Variants in CAMSAP3 observed in about 807,000 individuals in gnomAD.
CAMSAP3 encodes calmodulin regulated spectrin associated protein family member 3.
CAMSAP3 carries 34 observed loss-of-function variants against 112.5 expected under a neutral mutation model. The ratio of observed to expected loss-of-function variants is 0.30; its 90% CI spans 0.23 to 0.40. The LOEUF (loss-of-function observed/expected upper bound fraction) is 0.40. Among genes scored for constraint, CAMSAP3 ranks in the 10% least tolerant of loss-of-function variants. CAMSAP3 has a pLI of 1.00. For synonymous variants in CAMSAP3, 868 were observed against 799.8 expected (o/e 1.09, Z -1.44); for missense variants, 1,602 against 1,770.3 (o/e 0.90, Z 1.71).
At position 7,617,398 on chromosome 19, in the gene CAMSAP3, C is replaced by G. The variant is rs1276356786; in HGVS notation, c.3285C>G (p.Gly1095=). 1.9e-6 allele frequency: 3 copies of G among 1,614,102 alleles called. No individual in the cohort carries two copies. Among genetic ancestry groups the G allele is most frequent in the Non-Finnish European group, 1.7e-6 (2 of 1,179,978 alleles). Residue 1095 remains glycine (G), a synonymous_variant, in exon 15 of 17, where the codon GGC becomes GGG. Transcript: ENST00000160298. The surrounding 1 kb of genome is among the most constrained non-coding windows in gnomAD (Gnocchi z 7.5). ...GCCGCGAACGGGACTGGGAAAATGG[C>G]AGCAATGCCTCCTCCCCAGCGTCAG... is the stretch of plus-strand genomic sequence containing the variant. ...PGSRERDWEN[G]SNASSPASVP...
At chr19:7,605,590 C>G in intron 2 of CAMSAP3, 111 bp downstream of exon 2, 1 of 1,238,406 alleles carries the variant, frequency 8.1e-7, no homozygotes, top group Non-Finnish European at 1.0e-6. Context: ...GTCTTGGCTC[C>G]TTTCAAGCTT....
intron 1 of CAMSAP3, among the ~76,000 whole-genome samples, chr19:7,604,657 A>C (rs960318491): frequency 1.3e-5 from 2 of 149,060 alleles, no homozygotes; most frequent in Non-Finnish European, 3.0e-5. Flanking sequence ...CCTGCCTGCA[A>C]GCTAAGAGAG....
In CAMSAP3 at chr19:7,605,269, G is replaced by A; in HGVS notation, c.192G>A (p.Gln64=). The change falls in exon 2 of 17, where the codon CAG becomes CAA. Residue 64 remains glutamine, a synonymous_variant. Coordinates refer to ENST00000160298, the MANE Select transcript of CAMSAP3 (RefSeq NM_020902.2). ...TGTGGGAGCCCTTCTATACCGACCA[G>A]TACGCGCAGGAGCATGTGAAGCCCC... ...PELWEPFYTD[Q]YAQEHVKPPV... 1 of 1,608,112 alleles carries A rather than the reference G, an allele frequency of 6.2e-7. No individual in the cohort carries two copies.
chr19:7,604,929 G>T (rs980340983), intron 1 of CAMSAP3, among the ~76,000 whole-genome samples: 1 of 152,102 alleles, frequency 6.6e-6, no homozygotes, highest in Non-Finnish European at 1.5e-5. Flanking sequence ...ATTGGGGGTA[G>T]CCTCCCCTCC....
rs927685507 is a variant in CAMSAP3 at position 7,617,054 on chromosome 19, T to G, written c.3213-272T>G. ...ACCTCCGCCCCCTGGGTGCAAGTGA[T>G]TCTCGTGCCTCAGCCTCCTGAGTAG... On this transcript the variant is annotated intron_variant, in intron 14 of 16. Transcript: ENST00000160298. The surrounding 1 kb of genome is among the most constrained non-coding windows in gnomAD (Gnocchi z 7.5). Among the ~76,000 whole-genome samples the G allele has an allele frequency of 2.0e-5, 3 of 149,484 alleles. No individual in the cohort carries two copies. The highest frequency in any genetic ancestry group is 4.4e-5 in the Non-Finnish European group (3 of 67,788).
chr19:7,606,659 G>C (rs2030242873), intron 4 of CAMSAP3, 88 bp downstream of exon 4: 1 of 1,547,486 alleles, frequency 6.5e-7, no homozygotes, highest in African/African-American at 1.4e-5. Flanking sequence ...TCCTGAAGTG[G>C]GGAGGGGGCT....
At position 7,617,922 on chromosome 19, in the gene CAMSAP3, C is replaced by T. The variant is rs1455327193; in HGVS notation, c.3615C>T (p.Asn1205=). ...TGGTGGAAGGCATCTACAAGTACAA[C>T]TCGGACCGCAAGCGCTTCACCCAGA... is the stretch of plus-strand genomic sequence containing the variant. ...PAMVEGIYKY[N]SDRKRFTQIP... Residue 1205 remains asparagine (N), a synonymous_variant, in exon 17 of 17, where the codon AAC becomes AAT. Transcript: ENST00000160298. The surrounding 1 kb of genome is among the most constrained non-coding windows in gnomAD (Gnocchi z 7.5). The T allele has an allele frequency of 6.2e-7, 1 of 1,614,014 alleles. No individual in the cohort carries two copies. The highest frequency in any genetic ancestry group is 1.3e-5 in the African/African-American group (1 of 74,928).
chr19:7,613,426 G>T (rs1177140843), intron 11 of CAMSAP3, among the ~76,000 whole-genome samples: 1 of 151,266 alleles, frequency 6.6e-6, no homozygotes, highest in Admixed American at 6.6e-5. Context: ...GCCTCAGATG[G>T]GATTTGACCC....
rs561411704 is a variant in CAMSAP3, at chr19:7,602,818, C to T, written c.149-2408C>T. 3.3e-4 allele frequency among the ~76,000 whole-genome samples: 50 copies of T among 151,248 alleles called. 2 individuals carry two copies. In the South Asian group the frequency reaches 9.8e-3, roughly 30 times the overall value. On this transcript the variant is annotated intron_variant, in intron 1 of 16. Transcript: ENST00000160298. ...GTTTCTGGAAGAAGGAGGCACTGGG[C>T]ACAGAGCCCAGGCGAGATACGGGCC...
Position 7,615,806 on chromosome 19 carries a change from G to C in CAMSAP3, c.3112+87G>C, listed in dbSNP as rs2030754203. The C allele has an allele frequency of 2.9e-6, 3 of 1,040,764 alleles. No individual in the cohort carries two copies. In the South Asian group the frequency reaches 8.1e-5, roughly 28 times the overall value. The allele number at this position is 1,040,764 out of a possible 1,614,324, so 64.5% of individuals were successfully genotyped here. A position where few individuals can be genotyped will look rare whatever the true frequency, so the allele number is the denominator to read the frequency against. On this transcript the variant is annotated intron_variant, in intron 13 of 16. Coordinates refer to ENST00000160298, the MANE Select transcript of CAMSAP3 (RefSeq NM_020902.2). This position sits in a 1 kb window ranked among gnomAD's most constrained non-coding sequence, Gnocchi z 6.5. ...CCCCATGGGTAAGGGGGGAGGGGGA[G>C]GGAGATGTAAGCAGGGGTGCCGGGA... is the stretch of plus-strand genomic sequence containing the variant.
rs368361887 is a variant in CAMSAP3 at position 7,608,147 on chromosome 19, G to C, written c.643G>C (p.Val215Leu). The stretch of plus-strand genomic sequence containing the variant: ...GCAGATCCGATACCGCAAGGACCGT[G>C]TGGTGGCGCGACGTGCCCCCTGCTT... ...QPSIRYRKDR[V>L]VARRAPCFPT... The change falls in exon 5 of 17, where the codon GTG becomes CTG. Residue 215 changes from valine (V) to leucine (L), a missense_variant. Val to Leu is a conservative substitution (Grantham distance 32, BLOSUM62 1). This residue lies in a region of CAMSAP3 where 112 missense variants were observed against 94.2 expected (regional missense o/e 1.19). Coordinates refer to ENST00000160298, the MANE Select transcript of CAMSAP3 (RefSeq NM_020902.2). The C allele has an allele frequency of 3.1e-6, 5 of 1,611,896 alleles. No homozygotes were observed. The East Asian group carries it at 1.1e-4, about 36-fold the overall frequency.
Position 7,612,742 on chromosome 19 carries a change from C to T in CAMSAP3, c.2249C>T (p.Thr750Met), listed in dbSNP as rs572745116. The T allele has an allele frequency of 6.5e-6, 10 of 1,532,152 alleles. No homozygotes were observed. The African/African-American group carries it at 6.9e-5, about 11-fold the overall frequency. The allele number at this position is 1,532,152 out of a possible 1,614,324, so 94.9% of individuals were successfully genotyped here. ...GCGTGGGTCATCCCTGGCCCCACGACGGGGCCCAAAGCTGCATCCCCCAGC... is the reference window on the plus strand; with the variant it reads ...GCGTGGGTCATCCCTGGCCCCACGATGGGGCCCAAAGCTGCATCCCCCAGC... Reference protein sequence around the residue: ...PAAWVIPGPTTGPKAASPSPA... With the variant: ...PAAWVIPGPTMGPKAASPSPA... The change falls in exon 11 of 17, where the codon ACG (threonine) becomes ATG (methionine). Residue 750 changes from threonine (T) to methionine (M), a missense_variant. By Grantham distance (81) the Thr-to-Met change is moderately conservative. Coordinates refer to ENST00000160298, the MANE Select transcript of CAMSAP3 (RefSeq NM_020902.2).
chr19:7,617,981 C>T lies in CAMSAP3; in HGVS notation c.3674C>T (p.Ala1225Val). 1 of 1,614,154 alleles carries T rather than the reference C, an allele frequency of 6.2e-7. No individual in the cohort carries two copies. Among genetic ancestry groups the T allele is most frequent in the Non-Finnish European group, 8.5e-7 (1 of 1,180,036 alleles). ...PAKTMSMSVD[A>V]FTIQGHLWQG... ...AAGACCATGTCCATGAGCGTCGATG[C>T]CTTCACCATCCAGGGACACCTCTGG... is the stretch of plus-strand genomic sequence containing the variant. Residue 1225 changes from alanine to valine, a missense_variant, in exon 17 of 17, where the codon GCC becomes GTC. Physicochemically the swap from Ala to Val is moderately conservative, Grantham distance 64 (BLOSUM62 0). Transcript: ENST00000160298. This position sits in a 1 kb window ranked among gnomAD's most constrained non-coding sequence, Gnocchi z 7.5.
chr19:7,616,604 T>C lies in CAMSAP3; in HGVS notation c.3194T>C (p.Val1065Ala), dbSNP rs2030803751. The C allele has an allele frequency of 6.2e-7, 1 of 1,608,816 alleles. No homozygotes were observed. Among genetic ancestry groups the C allele is most frequent in the Admixed American group, 1.7e-5 (1 of 59,950 alleles). The change falls in exon 14 of 17, where the codon GTG becomes GCG. Residue 1065 changes from valine to alanine, a missense_variant. This residue lies in a region of CAMSAP3 where 1,100 missense variants were observed against 1,135.7 expected (regional missense o/e 0.97). Transcript: ENST00000160298. ...VANEAHNNLG[V>A]KRPTSRAPSP... The stretch of plus-strand genomic sequence containing the variant: ...AACGAGGCCCACAATAACCTCGGGG[T>C]GAAGAGGCCCACGTCTCGGTGAGTT...
rs540778761 is a variant in CAMSAP3 at position 7,611,338 on chromosome 19, C to A, written c.1123+170C>A. On this transcript the variant is annotated intron_variant, in intron 9 of 16. Coordinates refer to ENST00000160298, the MANE Select transcript of CAMSAP3 (RefSeq NM_020902.2). This position sits in a 1 kb window ranked among gnomAD's most constrained non-coding sequence, Gnocchi z 6.9. ...GGCCTCCCCAGTGGCCCCACAGTAC[C>A]CCGTAGTGACAGTAAATGGCCCCGG... 5.1e-4 allele frequency among the ~76,000 whole-genome samples: 77 copies of A among 152,314 alleles called. No individual in the cohort carries two copies. Among genetic ancestry groups the A allele is most frequent in the African/African-American group, 1.7e-3 (71 of 41,566 alleles).
chr19:7,607,813 C>A lies in CAMSAP3; in HGVS notation c.622-313C>A. On this transcript the variant is annotated intron_variant, in intron 4 of 16. Coordinates refer to ENST00000160298, the MANE Select transcript of CAMSAP3 (RefSeq NM_020902.2). The surrounding 1 kb of genome is among the most constrained non-coding windows in gnomAD (Gnocchi z 4.9). ...CCCCCTTGCTGATGGCTGCTCCTCT[C>A]CCCCCAGCACGCAATTGCCTTCTGT... 1.5e-6 allele frequency: 2 copies of A among 1,301,026 alleles called. No homozygotes were observed. Among genetic ancestry groups the A allele is most frequent in the South Asian group, 1.6e-5 (1 of 64,390 alleles). 80.6% of individuals were successfully genotyped at this position (1,301,026 alleles called of 1,614,324 possible). A position where few individuals can be genotyped will look rare whatever the true frequency, so the allele number is the denominator to read the frequency against.
rs763895024 is a variant in CAMSAP3, at chr19:7,612,531, A to C, written c.2038A>C (p.Lys680Gln). ...EGQGEPTSRPKAVTFSPDLGP... is the reference protein window; with the variant it reads ...EGQGEPTSRPQAVTFSPDLGP... ...CCAGGGTGAGCCAACCTCACGGCCC[A>C]AGGCAGTGACCTTCTCGCCAGACCT... is the stretch of plus-strand genomic sequence containing the variant. The change falls in exon 11 of 17, where the codon AAG becomes CAG. Residue 680 changes from lysine (K) to glutamine (Q), a missense_variant. Lys to Gln is a moderately conservative substitution (Grantham distance 53). Transcript: ENST00000160298. 2.0e-5 allele frequency: 30 copies of C among 1,538,180 alleles called. No homozygotes were observed. The highest frequency in any genetic ancestry group is 2.6e-5 in the Non-Finnish European group (30 of 1,145,796).
In CAMSAP3 at chr19:7,610,771, G is replaced by A; in HGVS notation, c.972G>A (p.Val324=). Residue 324 remains valine, a synonymous_variant, in exon 7 of 17, where the codon GTG becomes GTA. Transcript: ENST00000160298. The surrounding 1 kb of genome is among the most constrained non-coding windows in gnomAD (Gnocchi z 4.9). ...TGCTCAAGCCCGACTTTGTGCAAGTGAAGGACTTGCCCGATGGTCACGGTG... is the reference window on the plus strand; with the variant it reads ...TGCTCAAGCCCGACTTTGTGCAAGTAAAGGACTTGCCCGATGGTCACGGTG... ...FEVLKPDFVQ[V]KDLPDGHAAS... 6.2e-7 allele frequency: 1 copy of A among 1,613,838 alleles called. No individual in the cohort carries two copies. The highest frequency in any genetic ancestry group is 8.5e-7 in the Non-Finnish European group (1 of 1,179,946).
intron 4 of CAMSAP3, chr19:7,606,935 T>C (rs972167536): frequency 7.8e-6 from 8 of 1,030,994 alleles, no homozygotes; most frequent in Admixed American, 7.3e-5. Flanking sequence ...GCAAAGGAGG[T>C]TGGACCCCAG....
Sources: allele counts gnomAD v4.1 joint callset (sites outside exome capture counted in the v4.1 genomes callset), GRCh38; gene constraint gnomAD v4.1.1; regional missense constraint gnomAD v4.1.1; non-coding constraint Gnocchi (gnomAD v3.1); transcripts MANE v1.5; gene names NCBI Gene and HGNC (gene_info 2026-07-23, HGNC 2026-07-21).